Variants in MDGA2 observed in about 807,000 individuals in gnomAD.
The protein encoded by MDGA2 is MAM domain-containing glycosylphosphatidylinositol anchor protein 2.
Under a neutral mutation model 117.8 loss-of-function variants are expected in MDGA2, and 40 were observed. The ratio of observed to expected loss-of-function variants is 0.34; its 90% CI spans 0.26 to 0.44. MDGA2 has a LOEUF of 0.44. MDGA2 is among the 20% of genes least tolerant of loss of function. The pLI is 1.00. For missense variants in MDGA2, 1,123 were observed against 1,250.6 expected (o/e 0.90, Z 1.54); for synonymous variants, 452 against 439.0 (o/e 1.03, Z -0.37).
At chr14:46,990,866 C>CCACA (rs201132208) in intron 8 of MDGA2, among the ~76,000 whole-genome samples, 8 of 140,802 alleles carry the variant, frequency 5.7e-5, no homozygotes, top group Non-Finnish European at 9.4e-5. Flanking sequence ...ACACACACAC[C>CCACA]CACACACACA....
chr14:47,026,207 C>G (rs903976649), intron 8 of MDGA2, among the ~76,000 whole-genome samples: 2 of 152,016 alleles, frequency 1.3e-5, no homozygotes, highest in African/African-American at 2.4e-5. Flanking sequence ...ATGAATACTG[C>G]CTGTAGGTGG....
At chr14:47,460,777 T>G (rs995114834) in intron 1 of MDGA2, among the ~76,000 whole-genome samples, 4 of 152,038 alleles carry the variant, frequency 2.6e-5, no homozygotes, top group Non-Finnish European at 4.4e-5. Flanking sequence ...TGACAAAGGA[T>G]AATATGAGTA....
intron 3 of MDGA2, among the ~76,000 whole-genome samples, chr14:47,146,854 T>C (rs902497092): frequency 2.6e-5 from 4 of 152,296 alleles, no homozygotes; most frequent in African/African-American, 9.6e-5. Flanking sequence ...TGTCAAGTGG[T>C]GGTGTCAACA....
At chr14:47,183,295 T>G (rs1323237981) in intron 3 of MDGA2, among the ~76,000 whole-genome samples, 1 of 152,068 alleles carries the variant, frequency 6.6e-6, no homozygotes, top group African/African-American at 2.4e-5. Flanking sequence ...ACTCTCTACT[T>G]CATCTACCAC....
chr14:47,605,992 T>A (rs1048685814), intron 1 of MDGA2, among the ~76,000 whole-genome samples: 1 of 152,164 alleles, frequency 6.6e-6, no homozygotes, highest in African/African-American at 2.4e-5. Flanking sequence ...GAGGCCGTCT[T>A]CAAACACCAT....
At chr14:47,588,265 C>T (rs77228992) in intron 1 of MDGA2, among the ~76,000 whole-genome samples, 23,008 of 103,934 alleles carry the variant, frequency 0.22, 2,956 homozygotes, top group African/African-American at 0.27. Context: ...TATATATACA[C>T]ACACACACAC....
intron 8 of MDGA2, among the ~76,000 whole-genome samples, chr14:46,970,354 C>T (rs1008466566): frequency 5.3e-5 from 8 of 152,062 alleles, no homozygotes; most frequent in Admixed American, 6.6e-5. Flanking sequence ...TAAAAACAGA[C>T]TTAGATCAAT....
intron 5 of MDGA2, 93 bp downstream of exon 5, chr14:47,131,621 G>A (rs905824661): frequency 3.7e-5 from 38 of 1,031,574 alleles, no homozygotes; most frequent in East Asian, 3.0e-4. Flanking sequence ...TACATACACC[G>A]TAGAAATCAT....
At chr14:47,614,095 C>CTTTTTT (rs768294746) in intron 1 of MDGA2, among the ~76,000 whole-genome samples, 9 of 101,656 alleles carry the variant, frequency 8.9e-5, no homozygotes, top group East Asian at 2.9e-4. Flanking sequence ...TTTCTTTTTT[C>CTTTTTT]TTTTTTTTTT....
At chr14:47,387,172 G>A (rs12886077) in intron 1 of MDGA2, among the ~76,000 whole-genome samples, 39,734 of 151,960 alleles carry the variant, frequency 0.26, 5,521 homozygotes, top group Middle Eastern at 0.41. Context: ...GAAACGTTAA[G>A]GATCTCTCTA....
intron 1 of MDGA2, among the ~76,000 whole-genome samples, chr14:47,470,771 C>G (rs975938112): frequency 6.6e-6 from 1 of 152,014 alleles, no homozygotes; most frequent in Non-Finnish European, 1.5e-5. Context: ...GATTACCCAC[C>G]ATTTCTGTCA....
chr14:47,589,929 T>C (rs1896404080), intron 1 of MDGA2, among the ~76,000 whole-genome samples: 1 of 152,008 alleles, frequency 6.6e-6, no homozygotes, highest in Non-Finnish European at 1.5e-5. Flanking sequence ...CATGGTGTTA[T>C]AAATGCAATT....
At chr14:46,858,298 TTC>T (rs1391564184) in intron 14 of MDGA2, among the ~76,000 whole-genome samples, 5 of 151,704 alleles carry the variant, frequency 3.3e-5, no homozygotes, top group Non-Finnish European at 1.5e-5. Context: ...TTAGTATAGT[TTC>T]TCTTTCTCTG....
intron 10 of MDGA2, among the ~76,000 whole-genome samples, chr14:46,888,395 A>C (rs796611698): frequency 2.6e-5 from 4 of 152,024 alleles, no homozygotes; most frequent in African/African-American, 7.2e-5. Flanking sequence ...TAAGTGTTAA[A>C]CCATTTTCTT....
chr14:47,169,678 G>T (rs1471988649), intron 3 of MDGA2, among the ~76,000 whole-genome samples: 1 of 151,856 alleles, frequency 6.6e-6, no homozygotes, highest in Admixed American at 6.6e-5. Flanking sequence ...TAAAAACTGA[G>T]ATTTTTATAT....
At chr14:47,339,928 C>A (rs574834324) in intron 1 of MDGA2, among the ~76,000 whole-genome samples, 1 of 152,192 alleles carries the variant, frequency 6.6e-6, no homozygotes, top group Non-Finnish European at 1.5e-5. Context: ...GGTGTTTTCC[C>A]TAGTAATGCC....
At chr14:47,030,255 G>A (rs1326415966) in intron 8 of MDGA2, among the ~76,000 whole-genome samples, 1 of 152,022 alleles carries the variant, frequency 6.6e-6, no homozygotes, top group Non-Finnish European at 1.5e-5. Flanking sequence ...ACTCACACCT[G>A]TCAAATCCCA....
intron 1 of MDGA2, among the ~76,000 whole-genome samples, chr14:47,674,153 G>T (rs1003311081): frequency 6.6e-6 from 1 of 151,840 alleles, no homozygotes; most frequent in African/African-American, 2.4e-5. Flanking sequence ...CTTCCCTGGG[G>T]GGTGGGGGGA....
chr14:47,106,716 A>G (rs1345843089), intron 5 of MDGA2, among the ~76,000 whole-genome samples: 2 of 151,636 alleles, frequency 1.3e-5, no homozygotes, highest in African/African-American at 4.9e-5. Flanking sequence ...AGCTTCCGGT[A>G]ACTCTCACAG....
Sources: gnomAD v4.1 joint callset for allele counts (sites outside exome capture counted in the v4.1 genomes callset) on GRCh38, gnomAD v4.1.1 for gene constraint, MANE v1.5 for transcripts, NCBI Gene and HGNC (gene_info 2026-07-23, HGNC 2026-07-21) for gene names.